Variants in ATP13A4 observed in about 807,000 individuals in gnomAD.
ATP13A4 encodes probable cation-transporting ATPase 13A4.
A neutral mutation model predicts 142.5 loss-of-function variants in ATP13A4; 114 were observed. That is an observed-to-expected ratio of 0.80 (90% CI 0.69 to 0.93). ATP13A4 has a LOEUF of 0.93. ATP13A4 is among the 40% of genes least tolerant of loss of function. The pLI, the probability that ATP13A4 is intolerant of heterozygous loss-of-function variation, is 0.00. For missense variants in ATP13A4, 1,392 were observed against 1,454.0 expected (o/e 0.96, Z 0.69); for synonymous variants, 488 against 514.8 (o/e 0.95, Z 0.70).
intron 18 of ATP13A4, among the ~76,000 whole-genome samples, chr3:193,443,024 G>GA (rs769104442): frequency 2.4e-4 from 36 of 152,178 alleles, no homozygotes; most frequent in Non-Finnish European, 4.9e-4. Flanking sequence ...CAGATGGTGG[G>GA]AGGGAGTCAA....
chr3:193,512,749 T>C (rs1721208687), intron 2 of ATP13A4, among the ~76,000 whole-genome samples: 1 of 152,132 alleles, frequency 6.6e-6, no homozygotes, highest in Non-Finnish European at 1.5e-5. Context: ...GAAAAGCCCT[T>C]GACTAGGAGC....
At chr3:193,427,043 A>G (rs1390893292) in intron 25 of ATP13A4, among the ~76,000 whole-genome samples, 2 of 152,056 alleles carry the variant, frequency 1.3e-5, no homozygotes, top group African/African-American at 4.8e-5. Context: ...AAGTGAAAAG[A>G]TAACATATAG....
At position 193,554,892 on chromosome 3, in the gene ATP13A4, G is replaced by A; in HGVS notation, c.-93C>T. On this transcript the variant is annotated 5_prime_UTR_variant, in exon 1 of 30. Transcript: ENST00000342695. The stretch of plus-strand genomic sequence containing the variant: ...GCCGAGCCACCGCAGCTCCTCAGCT[G>A]ACTAAAAGAGTTAATGATCCTCCAG... The A allele has an allele frequency of 6.2e-7, 1 of 1,611,724 alleles. No individual in the cohort carries two copies. Among genetic ancestry groups the A allele is most frequent in the Non-Finnish European group, 8.5e-7 (1 of 1,179,644 alleles).
chr3:193,429,979 A>T (rs575435752), intron 25 of ATP13A4, among the ~76,000 whole-genome samples: 69 of 152,204 alleles, frequency 4.5e-4, no homozygotes, highest in African/African-American at 1.7e-3. Context: ...TTCCACAGTG[A>T]ATATATGTTA....
At chr3:193,462,655 C>T (rs1249519434) in intron 13 of ATP13A4, 107 bp downstream of exon 13, 1 of 1,100,326 alleles carries the variant, frequency 9.1e-7, no homozygotes, top group East Asian at 2.4e-5. Context: ...TCATTGTCCA[C>T]CAAAGCCAAA....
chr3:193,513,024 C>T (rs1296248090), intron 2 of ATP13A4, among the ~76,000 whole-genome samples: 1 of 152,208 alleles, frequency 6.6e-6, no homozygotes, highest in Non-Finnish European at 1.5e-5. Context: ...AGTCTTAAAG[C>T]TTATTCTCCA....
rs1418593176 is a variant in ATP13A4 at position 193,493,209 on chromosome 3, T to A, written c.382-49A>T. The A allele has an allele frequency of 1.1e-5, 17 of 1,507,876 alleles. No individual in the cohort carries two copies. In the Admixed American group the frequency reaches 2.9e-4, roughly 25 times the overall value. 93.4% of individuals were successfully genotyped at this position (1,507,876 alleles called of 1,614,324 possible). ...AACCTCTAGTTTGAGGATCAGAGAA[T>A]AAACAGCAACCCAGTGGCTAAAGAA... On this transcript the variant is annotated intron_variant, in intron 3 of 29. Transcript: ENST00000342695.
chr3:193,433,787 G>T, intron 25 of ATP13A4, 58 bp downstream of exon 25: 3 of 1,271,456 alleles, frequency 2.4e-6, no homozygotes, highest in Non-Finnish European at 3.5e-6. Flanking sequence ...TCTTTCCAAG[G>T]CAGAGGGAGG....
chr3:193,516,410 A>C (rs1037569295), intron 1 of ATP13A4, among the ~76,000 whole-genome samples: 1 of 152,214 alleles, frequency 6.6e-6, no homozygotes, highest in South Asian at 2.1e-4. Flanking sequence ...CTAATTTTGC[A>C]AAGTAGAATG....
At position 193,502,744 on chromosome 3, in the gene ATP13A4, T is replaced by G. The variant is rs1720624085; in HGVS notation, c.235-105A>C. ...AATATAATTCTGTAAGTGTTTGGCG[T>G]TAGTGAATATTCTAGACAGAACGGT... On this transcript the variant is annotated intron_variant, in intron 2 of 29. Transcript: ENST00000342695. The G allele has an allele frequency of 3.3e-6, 4 of 1,215,142 alleles. No individual in the cohort carries two copies. The African/African-American group carries it at 6.0e-5, about 18-fold the overall frequency. The allele number at this position is 1,215,142 out of a possible 1,614,324, so 75.3% of individuals were successfully genotyped here.
intron 11 of ATP13A4, 136 bp downstream of exon 11, chr3:193,465,889 T>C: frequency 1.0e-6 from 1 of 976,184 alleles, no homozygotes. Flanking sequence ...GATCTGGAAG[T>C]CTATACGTAG....
intron 23 of ATP13A4, 124 bp downstream of exon 23, chr3:193,438,351 C>A (rs1296569422): frequency 1.3e-6 from 1 of 791,146 alleles, no homozygotes; most frequent in African/African-American, 1.7e-5. Flanking sequence ...TGACTGCATT[C>A]TTCCACAAAA....
chr3:193,556,448 C>A (rs1207465945), upstream of ATP13A4, among the ~76,000 whole-genome samples: 1 of 151,760 alleles, frequency 6.6e-6, no homozygotes, highest in Non-Finnish European at 1.5e-5. Context: ...GCTAAGTAAA[C>A]CCATTGTAAT....
intron 1 of ATP13A4, among the ~76,000 whole-genome samples, chr3:193,545,022 C>T (rs778308867): frequency 6.6e-6 from 1 of 152,146 alleles, no homozygotes; most frequent in Non-Finnish European, 1.5e-5. Context: ...TATATGCACA[C>T]ATTTTTCAAT....
chr3:193,544,229 T>C (rs1024094880), intron 1 of ATP13A4, among the ~76,000 whole-genome samples: 2 of 152,188 alleles, frequency 1.3e-5, no homozygotes, highest in African/African-American at 4.8e-5. Flanking sequence ...CAAAAATCAA[T>C]TGAAGCCGGA....
At position 193,419,199 on chromosome 3, in the gene ATP13A4, G is replaced by C. The variant is rs563017121; in HGVS notation, c.2843-4449C>G. On this transcript the variant is annotated intron_variant, in intron 25 of 29. Transcript: ENST00000342695. ...TAGTCACTGCTGCACCCTGCCCCTAGGGACCTGAGTTGAACCTGTGCACTG... is the reference window on the plus strand; with the variant it reads ...TAGTCACTGCTGCACCCTGCCCCTACGGACCTGAGTTGAACCTGTGCACTG... Among the ~76,000 whole-genome samples the C allele has an allele frequency of 1.5e-3, 232 of 150,012 alleles. 18 individuals are homozygous for C. The highest frequency in any genetic ancestry group is 5.5e-3 in the African/African-American group (223 of 40,826).
Position 193,507,494 on chromosome 3 carries a change from C to G in ATP13A4, c.235-4855G>C, listed in dbSNP as rs375599614. Among the ~76,000 whole-genome samples the G allele has an allele frequency of 6.6e-4, 100 of 151,928 alleles. 1 individual carries two copies. The highest frequency in any genetic ancestry group is 2.2e-3 in the African/African-American group (93 of 41,416). ...AAGTTCTAAGTTTTGGAGAAATTCT[C>G]ACAATAATTATTATCTCAGTATATG... On this transcript the variant is annotated intron_variant, in intron 2 of 29. Coordinates refer to ENST00000342695, the MANE Select transcript of ATP13A4 (RefSeq NM_032279.4).
At position 193,465,012 on chromosome 3, in the gene ATP13A4, C is replaced by T; in HGVS notation, c.1389G>A (p.Lys463=). 2 of 1,614,180 alleles carry T rather than the reference C, an allele frequency of 1.2e-6. No homozygotes were observed. The highest frequency in any genetic ancestry group is 1.7e-6 in the Non-Finnish European group (2 of 1,180,034). ...GGGGGCTAATGCAGAAGATGCCTCT[C>T]TTCTTCAGCCTCCTCTGGGCATAGA... The part of the protein sequence containing the change: ...GIIYAQRRLK[K]RGIFCISPQR... The change falls in exon 12 of 30, where the codon AAG becomes AAA. Residue 463 remains lysine, a synonymous_variant. Transcript: ENST00000342695.
intron 2 of ATP13A4, among the ~76,000 whole-genome samples, chr3:193,566,450 T>C (rs1724136356): frequency 6.6e-6 from 1 of 152,210 alleles, no homozygotes; most frequent in Admixed American, 6.5e-5. Context: ...CTCAAGAATC[T>C]GTGACTGCTC....
Sources: gnomAD v4.1 joint callset for allele counts (sites outside exome capture counted in the v4.1 genomes callset) on GRCh38, gnomAD v4.1.1 for gene constraint, MANE v1.5 for transcripts, NCBI Gene and HGNC (gene_info 2026-07-23, HGNC 2026-07-21) for gene names.